KCTD16: variants seen among roughly 807,000 people sequenced by gnomAD.
KCTD16 encodes the protein potassium channel tetramerization domain containing 16.
KCTD16 carries 13 observed loss-of-function variants against 33.2 expected under a neutral mutation model. The ratio of observed to expected loss-of-function variants is 0.39; its 90% CI spans 0.25 to 0.62. KCTD16 has a LOEUF of 0.62. Among genes scored for constraint, KCTD16 ranks in the 20% least tolerant of loss-of-function variants. The probability of loss-of-function intolerance (pLI) is 0.50; values close to 1 mark genes in which losing one functional copy is unlikely to be tolerated. For synonymous variants in KCTD16, 197 were observed against 195.3 expected (o/e 1.01, Z -0.07); for missense variants, 441 against 525.1 (o/e 0.84, Z 1.57).
Position 144,262,014 on chromosome 5 carries a change from A to C in KCTD16, c.832+54468A>C, listed in dbSNP as rs1353765054. 3.9e-5 allele frequency among the ~76,000 whole-genome samples: 6 copies of C among 152,216 alleles called. No individual in the cohort carries two copies. In the East Asian group the frequency reaches 9.6e-4, roughly 24 times the overall value. ...TTTGTTGCCACTCACTGTGCTAGAC[A>C]CAGGGAGTGCTACAATCATGTTCCT... On this transcript the variant is annotated intron_variant, in intron 3 of 3. Transcript: ENST00000512467.
chr5:144,191,881 TA>T lies in KCTD16; in HGVS notation c.-326-14507del, dbSNP rs1281225520. On this transcript the variant is annotated intron_variant, in intron 2 of 3. Coordinates refer to ENST00000512467, the MANE Select transcript of KCTD16 (RefSeq NM_020768.4). ...AGGCCTTTTCTGATAACATGTTAAA[TA>T]TAAAGTATTTTTCTTATATGGTCAA... Among the ~76,000 whole-genome samples the T allele has an allele frequency of 2.6e-5, 4 of 152,116 alleles. No homozygotes were observed. In the East Asian group the frequency reaches 7.7e-4, roughly 29 times the overall value.
At chr5:144,415,469 A>G (rs1484634385) in intron 3 of KCTD16, among the ~76,000 whole-genome samples, 4 of 152,136 alleles carry the variant, frequency 2.6e-5, no homozygotes, top group African/African-American at 7.2e-5. Context: ...CTAAAGCTAG[A>G]TCATCTTTCA....
intron 3 of KCTD16, among the ~76,000 whole-genome samples, chr5:144,302,825 G>T (rs1291274590): frequency 6.6e-6 from 1 of 152,166 alleles, no homozygotes; most frequent in Non-Finnish European, 1.5e-5. Context: ...TTAATAATTT[G>T]ATATGGACAG....
chr5:144,415,509 T>G (rs938333469), intron 3 of KCTD16, among the ~76,000 whole-genome samples: 3 of 152,126 alleles, frequency 2.0e-5, no homozygotes, highest in Non-Finnish European at 2.9e-5. Flanking sequence ...CCAATAAAAT[T>G]TTCTTATTGT....
At chr5:144,222,550 A>G (rs1023838792) in intron 3 of KCTD16, among the ~76,000 whole-genome samples, 1 of 151,872 alleles carries the variant, frequency 6.6e-6, no homozygotes, top group Non-Finnish European at 1.5e-5. Flanking sequence ...AATGCTCATC[A>G]TTGCTGGCCA....
intron 3 of KCTD16, among the ~76,000 whole-genome samples, chr5:144,215,375 T>C (rs1289603138): frequency 6.6e-6 from 1 of 152,246 alleles, no homozygotes; most frequent in African/African-American, 2.4e-5. Flanking sequence ...AGAAGGCAAC[T>C]GTACTGTGAG....
At chr5:144,316,144 T>TAACC (rs1400700929) in intron 3 of KCTD16, among the ~76,000 whole-genome samples, 1 of 152,190 alleles carries the variant, frequency 6.6e-6, no homozygotes, top group Non-Finnish European at 1.5e-5. Flanking sequence ...AAACTAGCTT[T>TAACC]AACCAGTTTG....
chr5:144,355,238 A>G (rs2126911081), intron 3 of KCTD16, among the ~76,000 whole-genome samples: 1 of 152,304 alleles, frequency 6.6e-6, no homozygotes, highest in African/African-American at 2.4e-5. Flanking sequence ...TTTAGTTATC[A>G]AGTTAGCTGC....
intron 3 of KCTD16, among the ~76,000 whole-genome samples, chr5:144,217,407 T>G (rs1196243368): frequency 6.6e-6 from 1 of 152,176 alleles, no homozygotes; most frequent in Non-Finnish European, 1.5e-5. Context: ...AAAATAAAAT[T>G]TATTAATTCT....
intron 3 of KCTD16, 141 bp downstream of exon 3, chr5:144,207,687 G>T (rs1580788078): frequency 1.4e-6 from 1 of 696,590 alleles, no homozygotes; most frequent in Non-Finnish European, 2.3e-6. Context: ...AGGATTAGAG[G>T]TTATAATTCA....
At chr5:144,401,465 A>T (rs1253939025) in intron 3 of KCTD16, among the ~76,000 whole-genome samples, 2 of 152,200 alleles carry the variant, frequency 1.3e-5, no homozygotes, top group South Asian at 2.1e-4. Flanking sequence ...TATTAAAAAA[A>T]GTTAAAGACA....
Position 144,484,875 on chromosome 5 carries a change from T to C in KCTD16, c.*10761T>C, listed in dbSNP as rs553563833. On this transcript the variant is annotated 3_prime_UTR_variant, in exon 4 of 4. Coordinates refer to ENST00000512467, the MANE Select transcript of KCTD16 (RefSeq NM_020768.4). ...GTAACGTCATATTGTTTACAGGTTA[T>C]TTTTGTGCGTAATTGTGATAGCAGA... 3 of 152,108 alleles carry C rather than the reference T, an allele frequency of 2.0e-5. No homozygotes were observed. In the East Asian group the frequency reaches 5.8e-4, roughly 30 times the overall value. 9.4% of individuals were successfully genotyped at this position (152,108 alleles called of 1,614,324 possible).
intron 2 of KCTD16, among the ~76,000 whole-genome samples, chr5:144,197,409 T>C (rs1055450706): frequency 5.3e-5 from 8 of 152,222 alleles, no homozygotes; most frequent in African/African-American, 1.4e-4. Flanking sequence ...GAAAATTAGA[T>C]ATGCTACACT....
chr5:144,238,154 A>G (rs1007272294), intron 3 of KCTD16, among the ~76,000 whole-genome samples: 2 of 152,192 alleles, frequency 1.3e-5, no homozygotes, highest in Admixed American at 6.6e-5. Context: ...CCAGATGGCT[A>G]TGGCTCGAGA....
At chr5:144,247,505 G>C (rs983641262) in intron 3 of KCTD16, among the ~76,000 whole-genome samples, 1 of 152,172 alleles carries the variant, frequency 6.6e-6, no homozygotes, top group African/African-American at 2.4e-5. Flanking sequence ...CCAAACATGG[G>C]AGCACAGATA....
At position 144,299,074 on chromosome 5, in the gene KCTD16, T is replaced by TATA. The variant is rs1561558226; in HGVS notation, c.832+91528_832+91529insATA. Reference sequence around the variant, plus strand: ...TATATATATATATATATATATATATTTTTGTATATATATATCACTATGTAT... The same window carrying TATA: ...TATATATATATATATATATATATATTATATTTGTATATATATATCACTATGTAT... On this transcript the variant is annotated intron_variant, in intron 3 of 3. Coordinates refer to ENST00000512467, the MANE Select transcript of KCTD16 (RefSeq NM_020768.4). Among the ~76,000 whole-genome samples the TATA allele has an allele frequency of 8.0e-4, 40 of 49,712 alleles. 1 individual carries two copies. The highest frequency in any genetic ancestry group is 8.7e-4 in the Admixed American group (4 of 4,622). 32.6% of individuals were successfully genotyped at this position (49,712 alleles called of 152,430 possible). A position where few individuals can be genotyped will look rare whatever the true frequency, so the allele number is the denominator to read the frequency against.
At chr5:144,211,860 T>G (rs1425978441) in intron 3 of KCTD16, among the ~76,000 whole-genome samples, 2 of 152,152 alleles carry the variant, frequency 1.3e-5, no homozygotes. Flanking sequence ...TTGTCTCACC[T>G]TAGCTGCTCC....
At chr5:144,461,364 G>A (rs938785901) in intron 3 of KCTD16, among the ~76,000 whole-genome samples, 1 of 151,822 alleles carries the variant, frequency 6.6e-6, no homozygotes, top group African/African-American at 2.4e-5. Context: ...TTCCCAGGTC[G>A]CCTACCTCAG....
chr5:144,299,044 CTATATATATA>C (rs10589565), intron 3 of KCTD16, among the ~76,000 whole-genome samples: 476 of 35,956 alleles, frequency 0.013, 40 homozygotes, highest in African/African-American at 0.042. Flanking sequence ...AAACAGATCA[CTATATATATA>C]TATATATATA....
Sources: gnomAD v4.1 joint callset for allele counts (sites outside exome capture counted in the v4.1 genomes callset) on GRCh38, gnomAD v4.1.1 for gene constraint, MANE v1.5 for transcripts, NCBI Gene and HGNC (gene_info 2026-07-23, HGNC 2026-07-21) for gene names.